POLN: variants seen among roughly 807,000 people sequenced by gnomAD.
POLN encodes DNA polymerase nu.
Under a neutral mutation model 113.5 loss-of-function variants are expected in POLN, and 108 were observed. The ratio of observed to expected loss-of-function variants is 0.95; its 90% CI spans 0.81 to 1.12. POLN has a LOEUF of 1.12. Ranked by LOEUF, POLN falls within the 50% of genes most tolerant of loss-of-function variation. The probability of loss-of-function intolerance (pLI) is 0.00; values close to 1 mark genes in which losing one functional copy is unlikely to be tolerated. For synonymous variants in POLN, 386 were observed against 391.5 expected (o/e 0.99, Z 0.17); for missense variants, 1,097 against 1,077.1 (o/e 1.02, Z -0.26).
At chr4:2,152,037 CT>C (rs201892064) in intron 16 of POLN, among the ~76,000 whole-genome samples, 265 of 142,116 alleles carry the variant, frequency 1.9e-3, no homozygotes, top group Middle Eastern at 3.6e-3. Flanking sequence ...TTTCTTTCTT[CT>C]TTTTTTTTTT....
At chr4:2,129,713 C>T (rs1297401248) in intron 17 of POLN, among the ~76,000 whole-genome samples, 6 of 152,020 alleles carry the variant, frequency 3.9e-5, no homozygotes, top group Admixed American at 3.9e-4. Flanking sequence ...TTAAAAATAA[C>T]ATATTACTAC....
chr4:2,120,222 G>T (rs2108718047), intron 19 of POLN, among the ~76,000 whole-genome samples: 1 of 152,186 alleles, frequency 6.6e-6, no homozygotes, highest in East Asian at 1.9e-4. Flanking sequence ...AACTGTTTTA[G>T]TTATTCTAAG....
At chr4:2,081,141 G>T (rs1417936415) in intron 22 of POLN, 105 bp from the exon 23 acceptor site, 2 of 1,602,304 alleles carry the variant, frequency 1.2e-6, no homozygotes, top group Non-Finnish European at 1.7e-6. Flanking sequence ...CCACACAGAG[G>T]TGCTGGCTCT....
At chr4:2,213,181 A>G in intron 3 of POLN, 55 bp from the exon 4 acceptor site, 2 of 1,108,690 alleles carry the variant, frequency 1.8e-6, no homozygotes, top group East Asian at 2.4e-5. Context: ...TTGATATCTA[A>G]GTCACACAGT....
intron 7 of POLN, among the ~76,000 whole-genome samples, chr4:2,182,547 C>A (rs1397360163): frequency 3.3e-5 from 5 of 152,152 alleles, no homozygotes; most frequent in Admixed American, 3.3e-4. Context: ...ATTTGGACTT[C>A]CAGCCCCCAG....
chr4:2,211,194 A>T (rs2108765597), intron 4 of POLN, among the ~76,000 whole-genome samples: 1 of 148,702 alleles, frequency 6.7e-6, no homozygotes, highest in East Asian at 2.0e-4. Flanking sequence ...GGTTGCAGTG[A>T]GCCGAGATCA....
intron 20 of POLN, chr4:2,089,100 T>C: frequency 1.0e-6 from 1 of 990,858 alleles, no homozygotes. Flanking sequence ...ACTATAGGCT[T>C]TGGAAGAAAA....
chr4:2,157,350 A>G (rs1732460379), intron 15 of POLN, among the ~76,000 whole-genome samples: 1 of 152,214 alleles, frequency 6.6e-6, no homozygotes, highest in African/African-American at 2.4e-5. Flanking sequence ...CCTCATAAAC[A>G]GAGGGTTTCA....
chr4:2,181,751 G>A (rs2108751867), intron 7 of POLN, among the ~76,000 whole-genome samples: 1 of 152,156 alleles, frequency 6.6e-6, no homozygotes, highest in African/African-American at 2.4e-5. Context: ...GGCCGAAGCA[G>A]GCAGATCACG....
At chr4:2,235,752 T>C (rs1734737719) in intron 2 of POLN, among the ~76,000 whole-genome samples, 1 of 152,128 alleles carries the variant, frequency 6.6e-6, no homozygotes, top group Non-Finnish European at 1.5e-5. Context: ...TAGGAATATA[T>C]ATATATGTGT....
chr4:2,162,923 A>C, intron 13 of POLN, among the ~76,000 whole-genome samples: 1 of 150,914 alleles, frequency 6.6e-6, no homozygotes. Flanking sequence ...GATATTCAAT[A>C]GACTATGTCC....
chr4:2,225,999 AAAGT>A (rs1734379457), intron 3 of POLN, among the ~76,000 whole-genome samples: 1 of 152,130 alleles, frequency 6.6e-6, no homozygotes. Flanking sequence ...GAAAAAAAAA[AAAGT>A]AAGTTTATCT....
At chr4:2,201,825 A>C (rs1733723884) in intron 5 of POLN, among the ~76,000 whole-genome samples, 1 of 152,216 alleles carries the variant, frequency 6.6e-6, no homozygotes, top group South Asian at 2.1e-4. Flanking sequence ...CCTATAAAGG[A>C]AAACCTATCA....
At chr4:2,078,979 G>A in intron 23 of POLN, 1 of 949,256 alleles carries the variant, frequency 1.1e-6, no homozygotes, top group Non-Finnish European at 1.3e-6. Context: ...GCCCAGGCTG[G>A]AGTGCAGTGG....
At chr4:2,239,612 G>T (rs533196121) in intron 2 of POLN, among the ~76,000 whole-genome samples, 77 of 152,244 alleles carry the variant, frequency 5.1e-4, no homozygotes, top group African/African-American at 1.7e-3. Flanking sequence ...TTCTCAAAAA[G>T]AAATCAGTTT....
At chr4:2,190,713 T>A (rs1297256404) in intron 7 of POLN, among the ~76,000 whole-genome samples, 1 of 152,102 alleles carries the variant, frequency 6.6e-6, no homozygotes, top group African/African-American at 2.4e-5. Context: ...AGGCAAATGA[T>A]TTGAATAGAC....
At chr4:2,159,295 T>C in intron 13 of POLN, 84 bp from the exon 14 acceptor site, 1 of 1,132,724 alleles carries the variant, frequency 8.8e-7, no homozygotes. Flanking sequence ...AAAGTCCTCA[T>C]AATAAATGGT....
chr4:2,140,607 T>C (rs1321470742), intron 16 of POLN, among the ~76,000 whole-genome samples: 2 of 151,862 alleles, frequency 1.3e-5, no homozygotes, highest in Non-Finnish European at 2.9e-5. Flanking sequence ...ATTAGCCAGG[T>C]ATGGTGGTTG....
At chr4:2,098,437 T>C (rs1276142845) in intron 19 of POLN, among the ~76,000 whole-genome samples, 1 of 152,110 alleles carries the variant, frequency 6.6e-6, no homozygotes, top group African/African-American at 2.4e-5. Flanking sequence ...AACAACTACA[T>C]GACATTTTTG....
Sources: gnomAD v4.1 joint callset for allele counts (sites outside exome capture counted in the v4.1 genomes callset) on GRCh38, gnomAD v4.1.1 for gene constraint, MANE v1.5 for transcripts, NCBI Gene and HGNC (gene_info 2026-07-23, HGNC 2026-07-21) for gene names.